The following TENT4A variants were observed in gnomAD, a reference collection of about 807,000 sequenced individuals.
The protein encoded by TENT4A is terminal nucleotidyltransferase 4A.
In TENT4A, 7 loss-of-function variants were observed where a neutral mutation model predicts 72.8. The observed-to-expected ratio is 0.10, with a 90% CI of 0.05 to 0.18. The LOEUF is 0.18. Among genes scored for constraint, TENT4A ranks in the 10% least tolerant of loss-of-function variants. TENT4A has a pLI of 1.00. For missense variants in TENT4A, 831 were observed against 1,017.7 expected (o/e 0.82, Z 2.50); for synonymous variants, 456 against 434.3 (o/e 1.05, Z -0.62).
chr5:6,714,187 GCCCGCCGCGTCGCC>G lies in TENT4A; in HGVS notation c.213_226del (p.Ser72ArgfsTer166), dbSNP rs1740237559. 3 of 876,428 alleles carry G rather than the reference GCCCGCCGCGTCGCC, an allele frequency of 3.4e-6. No individual in the cohort carries two copies. Among genetic ancestry groups the G allele is most frequent in the Non-Finnish European group, 4.1e-6 (3 of 737,356 alleles). The allele number at this position is 876,428 out of a possible 1,614,324, so 54.3% of individuals were successfully genotyped here. On this transcript the variant is annotated frameshift_variant, in exon 1 of 13. Coordinates refer to ENST00000230859, the MANE Select transcript of TENT4A (RefSeq NM_006999.6). LOFTEE classifies it high-confidence loss of function. ...GCAGTGGCGGCCTGGGCCCCGCGCTGCCCGCCGCGTCGCCCCCGCCGCCCGGCCCCACCGCGCCC... is the reference window on the plus strand; with the variant it reads ...GCAGTGGCGGCCTGGGCCCCGCGCTGCCCGCCGCCCGGCCCCACCGCGCCC...
chr5:6,719,188 C>CA (rs1440462585), intron 1 of TENT4A, among the ~76,000 whole-genome samples: 13 of 152,172 alleles, frequency 8.5e-5, no homozygotes, highest in Non-Finnish European at 1.8e-4. Flanking sequence ...GGTAAAGTCT[C>CA]AAACGTTCTT....
intron 1 of TENT4A, among the ~76,000 whole-genome samples, chr5:6,724,985 A>C (rs139744913): frequency 9.2e-5 from 14 of 152,338 alleles, no homozygotes; most frequent in African/African-American, 3.4e-4. Context: ...AGCCACTGGA[A>C]ATGTAGAGCA....
At chr5:6,731,545 T>C (rs1741216796) in intron 1 of TENT4A, among the ~76,000 whole-genome samples, 1 of 151,278 alleles carries the variant, frequency 6.6e-6, no homozygotes, top group Admixed American at 6.6e-5. Flanking sequence ...GCTGAAACTT[T>C]TTTTTTTTTT....
Position 6,756,154 on chromosome 5 carries a change from C to G in TENT4A, c.*1209C>G, listed in dbSNP as rs1176925084. 1 of 152,544 alleles carries G rather than the reference C, an allele frequency of 6.6e-6. No individual in the cohort carries two copies. The highest frequency in any genetic ancestry group is 6.5e-5 in the Admixed American group (1 of 15,282). The allele number at this position is 152,544 out of a possible 1,614,324, so 9.4% of individuals were successfully genotyped here. On this transcript the variant is annotated 3_prime_UTR_variant, in exon 13 of 13. Coordinates refer to ENST00000230859, the MANE Select transcript of TENT4A (RefSeq NM_006999.6). ...GGAGAGCACAGCCCAGCGTTGGGGC[C>G]GGGACCGCTGGCGCCCGACGTCGGA...
At position 6,746,381 on chromosome 5, in the gene TENT4A, C is replaced by T. The variant is rs1192474495; in HGVS notation, c.1413C>T (p.Ser471=). 15 of 1,614,046 alleles carry T rather than the reference C, an allele frequency of 9.3e-6. No individual in the cohort carries two copies. Among genetic ancestry groups the T allele is most frequent in the Admixed American group, 3.3e-5 (2 of 59,992 alleles). Residue 471 remains serine (S), a synonymous_variant, in exon 7 of 13, where the codon AGC becomes AGT. Transcript: ENST00000230859. ...AGGAGATCATGAAAGCCATGACCAG[C>T]GGGTACAGACCGTCGATGCTGTGCA... is the stretch of plus-strand genomic sequence containing the variant. ...AKEEIMKAMT[S]GYRPSMLCIE...
chr5:6,742,724 A>G (rs1279255261), intron 5 of TENT4A, 127 bp downstream of exon 5: 3 of 603,758 alleles, frequency 5.0e-6, no homozygotes, highest in African/African-American at 3.7e-5. Flanking sequence ...CTACACTTAC[A>G]TTATTTCTCC....
intron 2 of TENT4A, among the ~76,000 whole-genome samples, chr5:6,737,845 C>T (rs1266782951): frequency 2.0e-5 from 3 of 151,858 alleles, no homozygotes; most frequent in East Asian, 1.9e-4. Flanking sequence ...CTGCGGTGGC[C>T]GCACATCTTC....
chr5:6,737,205 C>T (rs555671213), intron 1 of TENT4A, among the ~76,000 whole-genome samples: 5 of 152,238 alleles, frequency 3.3e-5, no homozygotes, highest in Non-Finnish European at 1.5e-5. Flanking sequence ...TTCACACTTC[C>T]TGGATGGAAT....
chr5:6,754,870 G>T lies in TENT4A; in HGVS notation c.2304G>T (p.Gln768His). The change falls in exon 13 of 13, where the codon CAG (glutamine) becomes CAT (histidine). Residue 768 changes from glutamine (Q) to histidine (H), a missense_variant. Coordinates refer to ENST00000230859, the MANE Select transcript of TENT4A (RefSeq NM_006999.6). ...RPPVGNRGHH[Q>H]YNRTGWRRKK... ...CTGTGGGCAACAGGGGACACCACCA[G>T]TATAACCGCACCGGCTGGAGGAGGA... The T allele has an allele frequency of 6.2e-7, 1 of 1,608,678 alleles. No homozygotes were observed. Among genetic ancestry groups the T allele is most frequent in the Non-Finnish European group, 8.5e-7 (1 of 1,176,138 alleles).
At chr5:6,734,997 T>C (rs951831518) in intron 1 of TENT4A, among the ~76,000 whole-genome samples, 1 of 152,182 alleles carries the variant, frequency 6.6e-6, no homozygotes, top group Non-Finnish European at 1.5e-5. Flanking sequence ...CTGAGGGTGG[T>C]GAATGTGGCT....
At chr5:6,721,530 G>A (rs1257509224) in intron 1 of TENT4A, among the ~76,000 whole-genome samples, 2 of 152,240 alleles carry the variant, frequency 1.3e-5, no homozygotes, top group African/African-American at 2.4e-5. Flanking sequence ...GCCTGGAGAA[G>A]TATGGAGGTG....
intron 1 of TENT4A, 64 bp downstream of exon 1, chr5:6,714,763 T>TCCTG: frequency 7.9e-5 from 74 of 937,150 alleles, no homozygotes; most frequent in East Asian, 1.3e-4. Context: ...GCGCCCGCGG[T>TCCTG]GCAGACACCC....
chr5:6,742,682 C>T, intron 5 of TENT4A, 85 bp downstream of exon 5: 1 of 765,520 alleles, frequency 1.3e-6, no homozygotes, highest in Non-Finnish European at 2.4e-6. Flanking sequence ...TTACAGCTGT[C>T]AGCTGCACAC....
rs373237213 is a variant in TENT4A at position 6,754,747 on chromosome 5, C to T, written c.2185-4C>T. 4 of 1,566,428 alleles carry T rather than the reference C, an allele frequency of 2.6e-6. No individual in the cohort carries two copies. Among genetic ancestry groups the T allele is most frequent in the Admixed American group, 1.7e-5 (1 of 57,272 alleles). Reference sequence around the variant, plus strand: ...CCAACACTGCTGTCTCTCTCTTTCTCCAGCAGCACAACGGCATGAAACTGT... The same window carrying T: ...CCAACACTGCTGTCTCTCTCTTTCTTCAGCAGCACAACGGCATGAAACTGT... On this transcript the variant is annotated splice_polypyrimidine_tract_variant and splice_region_variant and intron_variant, in intron 12 of 12. Coordinates refer to ENST00000230859, the MANE Select transcript of TENT4A (RefSeq NM_006999.6).
At chr5:6,747,672 C>T (rs1212328905) in intron 7 of TENT4A, among the ~76,000 whole-genome samples, 3 of 152,056 alleles carry the variant, frequency 2.0e-5, no homozygotes, top group African/African-American at 4.8e-5. Flanking sequence ...CAAGTGTCTG[C>T]TGAAATGTAC....
At position 6,756,940 on chromosome 5, in the gene TENT4A, A is replaced by G. The variant is rs1742734939; in HGVS notation, c.*1995A>G. 6.6e-6 allele frequency: 1 copy of G among 152,584 alleles called. No individual in the cohort carries two copies. The highest frequency in any genetic ancestry group is 2.4e-5 in the African/African-American group (1 of 41,434). The allele number at this position is 152,584 out of a possible 1,614,324, so 9.5% of individuals were successfully genotyped here. ...GCTACAGGTTTGACAAAAAGATATCATGTTTCGATTTTTTTGTGTGTGGAC... is the reference window on the plus strand; with the variant it reads ...GCTACAGGTTTGACAAAAAGATATCGTGTTTCGATTTTTTTGTGTGTGGAC... On this transcript the variant is annotated 3_prime_UTR_variant, in exon 13 of 13. Transcript: ENST00000230859.
chr5:6,736,027 C>T (rs1385621105), intron 1 of TENT4A, among the ~76,000 whole-genome samples: 1 of 152,148 alleles, frequency 6.6e-6, no homozygotes, highest in Non-Finnish European at 1.5e-5. Context: ...TCCCAAAGTG[C>T]TGGGATTACA....
In TENT4A at chr5:6,713,499, C is replaced by G. The variant is rs1249919962; in HGVS notation, c.-485C>G. On this transcript the variant is annotated 5_prime_UTR_variant, in exon 1 of 13. Coordinates refer to ENST00000230859, the MANE Select transcript of TENT4A (RefSeq NM_006999.6). ...GCCGCCGCCGCCGCCGCAGGAGCGC[C>G]GAGCCAGCGGCGCGAGCGTGACTGA... is the stretch of plus-strand genomic sequence containing the variant. The G allele has an allele frequency of 1.3e-5, 2 of 150,054 alleles. No homozygotes were observed. Among genetic ancestry groups the G allele is most frequent in the African/African-American group, 4.9e-5 (2 of 40,602 alleles). The allele number at this position is 150,054 out of a possible 1,614,324, so 9.3% of individuals were successfully genotyped here. A position where few individuals can be genotyped will look rare whatever the true frequency, so the allele number is the denominator to read the frequency against.
chr5:6,749,060 T>C (rs768776858), intron 8 of TENT4A, among the ~76,000 whole-genome samples: 73 of 152,198 alleles, frequency 4.8e-4, no homozygotes, highest in Non-Finnish European at 9.3e-4. Flanking sequence ...AAGAGTGGAA[T>C]TCGAAACAGT....
Sources: allele counts gnomAD v4.1 joint callset (sites outside exome capture counted in the v4.1 genomes callset), GRCh38; gene constraint gnomAD v4.1.1; transcripts MANE v1.5; gene names NCBI Gene and HGNC (gene_info 2026-07-23, HGNC 2026-07-21).